SPOCD1: variants seen among roughly 807,000 people sequenced by gnomAD.
The protein encoded by SPOCD1 is SPOC domain-containing protein 1.
SPOCD1 carries 64 observed loss-of-function variants against 92.2 expected under a neutral mutation model. That is an observed-to-expected ratio of 0.69 (90% CI 0.57 to 0.86). The LOEUF (loss-of-function observed/expected upper bound fraction) is 0.86, where lower values mean the gene tolerates loss of function less well. Among genes scored for constraint, SPOCD1 ranks in the 40% least tolerant of loss-of-function variants. SPOCD1 has a pLI of 0.00. For synonymous variants in SPOCD1, 578 were observed against 619.3 expected (o/e 0.93, Z 0.99); for missense variants, 1,360 against 1,543.1 (o/e 0.88, Z 1.99).
In SPOCD1 at chr1:31,794,202, C is replaced by T. The variant is rs1410527219; in HGVS notation, c.2305G>A (p.Ala769Thr). The part of the protein sequence containing the change: ...PQMFMDCSPQ[A>T]LPIASEDTTG... The stretch of plus-strand genomic sequence containing the variant: ...GTGTCCTCTGATGCGATGGGCAGGG[C>T]CTGTGGGCTGCAGTCCATGAACATC... Residue 769 changes from alanine to threonine, a missense_variant, in exon 11 of 16, where the codon GCC (alanine) becomes ACC (threonine). Transcript: ENST00000360482. The T allele has an allele frequency of 1.2e-6, 2 of 1,613,866 alleles. No homozygotes were observed. The highest frequency in any genetic ancestry group is 2.7e-5 in the African/African-American group (2 of 74,910).
intron 2 of SPOCD1, among the ~76,000 whole-genome samples, chr1:31,813,473 C>T (rs902303097): frequency 7.9e-5 from 12 of 152,238 alleles, no homozygotes; most frequent in Non-Finnish European, 1.8e-4. Context: ...CCATGTTGGC[C>T]AGGATGGTCT....
chr1:31,805,552 C>A lies in SPOCD1; in HGVS notation c.1384-3847G>T, dbSNP rs1282150994. Among the ~76,000 whole-genome samples, 3 of 151,958 alleles carry A rather than the reference C, an allele frequency of 2.0e-5. 1 individual carries two copies. The highest frequency in any genetic ancestry group is 7.3e-5 in the African/African-American group (3 of 41,372). ...ACCAGCCTGGCCAACACAGCCAGAC[C>A]CTGGCCCTACCAAAATTTTTTTTTA... is the stretch of plus-strand genomic sequence containing the variant. On this transcript the variant is annotated intron_variant, in intron 2 of 15. Transcript: ENST00000360482.
chr1:31,796,305 G>A (rs1487235817), intron 10 of SPOCD1: 3 of 499,136 alleles, frequency 6.0e-6, no homozygotes, highest in African/African-American at 5.8e-5. Context: ...TGCCAGGTTG[G>A]GGATGACTAT....
At position 31,813,960 on chromosome 1, in the gene SPOCD1, G is replaced by A. The variant is rs774631344; in HGVS notation, c.1374C>T (p.Cys458=). 2.0e-5 allele frequency: 30 copies of A among 1,537,382 alleles called. No homozygotes were observed. The highest frequency in any genetic ancestry group is 2.8e-5 in the African/African-American group (2 of 72,712). ...CTCAGACTCAGCTCACCAGTCTGGG[G>A]CAGCCTCCTGGGCTGGGTTCCTCTG... is the stretch of plus-strand genomic sequence containing the variant. The part of the protein sequence containing the change: ...DRPEEPSPGG[C]PRLEEVKIPH... The change falls in exon 2 of 16, where the codon TGC becomes TGT. Residue 458 remains cysteine, a synonymous_variant. Coordinates refer to ENST00000360482, the MANE Select transcript of SPOCD1 (RefSeq NM_144569.7).
chr1:31,796,410 G>A (rs1648023876), intron 10 of SPOCD1, 180 bp downstream of exon 10: 2 of 967,010 alleles, frequency 2.1e-6, no homozygotes, highest in East Asian at 2.6e-5. Flanking sequence ...GCCTGTGCCA[G>A]CAGCACTGTC....
chr1:31,800,259 G>T (rs1648355129), intron 4 of SPOCD1, 118 bp from the exon 5 acceptor site: 1 of 1,495,624 alleles, frequency 6.7e-7, no homozygotes, highest in East Asian at 2.5e-5. Context: ...ATTCAGAGCT[G>T]CAGAAAGTAG....
chr1:31,797,812 C>T (rs1222047771), intron 9 of SPOCD1, among the ~76,000 whole-genome samples: 2 of 152,152 alleles, frequency 1.3e-5, no homozygotes, highest in Admixed American at 1.3e-4. Context: ...CTATGGGGCC[C>T]CTCCCCCAAC....
chr1:31,814,114 C>T lies in SPOCD1; in HGVS notation c.1220G>A (p.Arg407Lys). The T allele has an allele frequency of 6.2e-7, 1 of 1,609,968 alleles. No individual in the cohort carries two copies. Among genetic ancestry groups the T allele is most frequent in the Non-Finnish European group, 8.5e-7 (1 of 1,177,230 alleles). ...CTCCATGAATGGGCCTGAGCAGGCC[C>T]TGCTGGCTTCAGTATCCAGGGAGGA... is the stretch of plus-strand genomic sequence containing the variant. ...LSSSLDTEAS[R>K]ACSGPFMEQR... Residue 407 changes from arginine (R) to lysine (K), a missense_variant, in exon 2 of 16, where the codon AGG (arginine) becomes AAG (lysine). By Grantham distance (26) the Arg-to-Lys change is conservative. Coordinates refer to ENST00000360482, the MANE Select transcript of SPOCD1 (RefSeq NM_144569.7). The surrounding 1 kb of genome is among the most constrained non-coding windows in gnomAD (Gnocchi z 4.2).
At position 31,791,229 on chromosome 1, in the gene SPOCD1, G is replaced by A. The variant is rs761288894; in HGVS notation, c.3025C>T (p.Leu1009=). The A allele has an allele frequency of 1.3e-6, 2 of 1,595,426 alleles. No individual in the cohort carries two copies. The highest frequency in any genetic ancestry group is 3.5e-5 in the Admixed American group (2 of 57,934). ...SPGLEVTHSS[L]LLAVLLPKEG... ...TTGGGGAGCAGCACAGCCAGCAACA[G>A]ACTTGAGTGAGTGACCTCCAGACCT... The change falls in exon 16 of 16, where the codon CTG becomes TTG. Residue 1009 remains leucine, a synonymous_variant. Transcript: ENST00000360482.
At position 31,791,019 on chromosome 1, in the gene SPOCD1, C is replaced by G. The variant is rs755744081; in HGVS notation, c.3235G>C (p.Ala1079Pro). The change falls in exon 16 of 16, where the codon GCT (alanine) becomes CCT (proline). Residue 1079 changes from alanine (A) to proline (P), a missense_variant. This residue lies in a region of SPOCD1 where 614 missense variants were observed against 757.8 expected (regional missense o/e 0.81). Transcript: ENST00000360482. ...TGCCAAGCAGAGATTCCCCTTGGAG[C>G]TATACTGCCCCTGCCCTGGCTCTGC... ...WQQSQGRGSI[A>P]PRGISAWQRP... is the part of the protein sequence containing the mutation. 2 of 1,608,716 alleles carry G rather than the reference C, an allele frequency of 1.2e-6. No homozygotes were observed. The highest frequency in any genetic ancestry group is 2.2e-5 in the South Asian group (2 of 90,314).
Position 31,815,173 on chromosome 1 carries a change from C to A in SPOCD1, c.161G>T (p.Gly54Val), listed in dbSNP as rs1346387972. The A allele has an allele frequency of 5.0e-6, 8 of 1,607,150 alleles. No individual in the cohort carries two copies. The African/African-American group carries it at 6.7e-5, about 13-fold the overall frequency. ...GASSGPGVRA[G>V]SRRKIPRKEA... Reference sequence around the variant, plus strand: ...CTTCCTGGGGATCTTCCTTCTGCTGCCAGCCCTGACTCCGGGCCCAGAGCT... The same window carrying A: ...CTTCCTGGGGATCTTCCTTCTGCTGACAGCCCTGACTCCGGGCCCAGAGCT... Residue 54 changes from glycine to valine, a missense_variant, in exon 2 of 16, where the codon GGC becomes GTC. By Grantham distance (109) the Gly-to-Val change is moderately radical (BLOSUM62 -3). Around this residue, in one of 3 missense-constraint regions of SPOCD1, gnomAD observed 140 missense variants for 183.8 expected, o/e 0.76. Transcript: ENST00000360482.
intron 2 of SPOCD1, among the ~76,000 whole-genome samples, chr1:31,812,464 C>T (rs975578659): frequency 9.2e-5 from 14 of 152,252 alleles, no homozygotes; most frequent in African/African-American, 2.6e-4. Flanking sequence ...TCAAATACTA[C>T]GGAACTTACA....
intron 3 of SPOCD1, 73 bp downstream of exon 3, chr1:31,801,591 G>A: frequency 5.0e-6 from 7 of 1,399,710 alleles, no homozygotes; most frequent in Non-Finnish European, 7.1e-6. Context: ...CATCTACTGT[G>A]GAGGAGCCCT....
In SPOCD1 at chr1:31,791,090, G is replaced by C. The variant is rs529619946; in HGVS notation, c.3164C>G (p.Pro1055Arg). ...KRYYQPDDRR[P>R]NVPLKGTPPP... ...AGGGGTGCCCTTCAGGGGCACATTC[G>C]GCCTCCTGTCATCTGGCTGATAGTA... is the stretch of plus-strand genomic sequence containing the variant. Residue 1055 changes from proline to arginine, a missense_variant, in exon 16 of 16, where the codon CCG (proline) becomes CGG (arginine). By Grantham distance (103) the Pro-to-Arg change is moderately radical. Coordinates refer to ENST00000360482, the MANE Select transcript of SPOCD1 (RefSeq NM_144569.7). The C allele has an allele frequency of 4.3e-6, 7 of 1,612,896 alleles. No homozygotes were observed. Among genetic ancestry groups the C allele is most frequent in the Non-Finnish European group, 5.9e-6 (7 of 1,179,922 alleles).
rs769024855 is a variant in SPOCD1, at chr1:31,800,109, T to G, written c.1635A>C (p.Ala545=). 1 of 1,604,896 alleles carries G rather than the reference T, an allele frequency of 6.2e-7. No homozygotes were observed. Residue 545 remains alanine, a synonymous_variant, in exon 5 of 16, where the codon GCA becomes GCC. Coordinates refer to ENST00000360482, the MANE Select transcript of SPOCD1 (RefSeq NM_144569.7). ...GGTCAGAGAGGCCACCAGGGTCCCC[T>G]GCTGTGCCTCCTGAAGGAGAAGGCT... ...VFQPSPSGGT[A]GDPGGLSDPF...
chr1:31,793,633 G>A (rs1647773536), intron 12 of SPOCD1, 114 bp downstream of exon 12: 1 of 1,577,486 alleles, frequency 6.3e-7, no homozygotes, highest in Admixed American at 1.7e-5. Context: ...CCCAAGGGAG[G>A]GAAGACTTGC....
chr1:31,800,243 C>T (rs1648354070), intron 4 of SPOCD1, 102 bp from the exon 5 acceptor site: 1 of 1,508,778 alleles, frequency 6.6e-7, no homozygotes, highest in African/African-American at 1.4e-5. Flanking sequence ...CTCCAGTCCA[C>T]CCTGAATTCA....
chr1:31,797,074 T>C (rs1443942487), intron 9 of SPOCD1, among the ~76,000 whole-genome samples: 1 of 152,168 alleles, frequency 6.6e-6, no homozygotes, highest in African/African-American at 2.4e-5. Flanking sequence ...ATTCATAAGA[T>C]GGTATGGCCT....
chr1:31,812,647 A>G (rs1177481429), intron 2 of SPOCD1, among the ~76,000 whole-genome samples: 1 of 152,238 alleles, frequency 6.6e-6, no homozygotes, highest in Non-Finnish European at 1.5e-5. Context: ...TGAAATGGGT[A>G]TATGTCAATA....
Sources: allele counts gnomAD v4.1 joint callset (sites outside exome capture counted in the v4.1 genomes callset), GRCh38; gene constraint gnomAD v4.1.1; regional missense constraint gnomAD v4.1.1; non-coding constraint Gnocchi (gnomAD v3.1); transcripts MANE v1.5; gene names NCBI Gene and HGNC (gene_info 2026-07-23, HGNC 2026-07-21).